Variants in DOCK5 observed in about 807,000 individuals in gnomAD.
DOCK5 encodes the protein dedicator of cytokinesis protein 5.
In DOCK5, 142 loss-of-function variants were observed where a neutral mutation model predicts 251.8. The observed-to-expected ratio is 0.56, with a 90% confidence interval of 0.49 to 0.65. The LOEUF is 0.65. Ranked by LOEUF, DOCK5 falls within the 30% of genes least tolerant of loss-of-function variation. DOCK5 has a pLI of 0.00. For missense variants in DOCK5, 2,111 were observed against 2,312.3 expected (o/e 0.91, Z 1.79); for synonymous variants, 842 against 835.5 (o/e 1.01, Z -0.13).
intron 1 of DOCK5, among the ~76,000 whole-genome samples, chr8:25,238,337 C>T (rs538081680): frequency 2.0e-5 from 3 of 152,172 alleles, no homozygotes; most frequent in Non-Finnish European, 4.4e-5. Context: ...TAATGTGACA[C>T]CTGGCATCCA....
At chr8:25,363,590 T>G (rs1254865520) in intron 29 of DOCK5, among the ~76,000 whole-genome samples, 1 of 152,238 alleles carries the variant, frequency 6.6e-6, no homozygotes, top group East Asian at 1.9e-4. Context: ...TTTACATATT[T>G]AAAAATATCC....
At chr8:25,220,676 A>G (rs1204205936) in intron 1 of DOCK5, among the ~76,000 whole-genome samples, 2 of 152,126 alleles carry the variant, frequency 1.3e-5, no homozygotes, top group East Asian at 1.9e-4. Flanking sequence ...TAGTGGCGCA[A>G]TCTCGGCTCA....
intron 29 of DOCK5, 144 bp downstream of exon 29, chr8:25,363,285 T>G: frequency 1.5e-6 from 1 of 684,968 alleles, no homozygotes; most frequent in Non-Finnish European, 2.5e-6. Context: ...GGTCCTAATT[T>G]ATGTGCTCGT....
intron 11 of DOCK5, chr8:25,304,563 T>C (rs1563195260): frequency 2.2e-6 from 1 of 450,114 alleles, no homozygotes; most frequent in East Asian, 3.6e-5. Context: ...CAAAGGAATA[T>C]AAAAGGGCAC....
rs535348871 is a variant in DOCK5, at chr8:25,362,728, A to C, written c.2950-319A>C. ...GCTGAGATTACAGGTGTAAGCCACT[A>C]CACCCAACCCTCCTTCCTACTTTCT... On this transcript the variant is annotated intron_variant, in intron 28 of 51. Coordinates refer to ENST00000276440, the MANE Select transcript of DOCK5 (RefSeq NM_024940.8). Among the ~76,000 whole-genome samples the C allele has an allele frequency of 7.8e-4, 119 of 151,936 alleles. 2 individuals are homozygous for C. In the South Asian group the frequency reaches 0.017, roughly 21 times the overall value.
chr8:25,314,208 C>G (rs1012347688), intron 13 of DOCK5, among the ~76,000 whole-genome samples: 10 of 149,350 alleles, frequency 6.7e-5, no homozygotes, highest in Non-Finnish European at 1.5e-4. Context: ...ATCTCCGAGG[C>G]TCAAGCAGTC....
chr8:25,282,834 A>T (rs1382684205), intron 5 of DOCK5, among the ~76,000 whole-genome samples: 1 of 139,788 alleles, frequency 7.2e-6, no homozygotes, highest in African/African-American at 2.8e-5. Flanking sequence ...TGGGTGACAC[A>T]GTAAGACCCT....
chr8:25,292,493 A>G (rs977788454), intron 6 of DOCK5, among the ~76,000 whole-genome samples: 1 of 152,162 alleles, frequency 6.6e-6, no homozygotes, highest in African/African-American at 2.4e-5. Flanking sequence ...TCACACTTGT[A>G]ATCCCAGTAC....
chr8:25,269,032 A>G (rs1803838240), intron 3 of DOCK5, 147 bp downstream of exon 3: 2 of 676,040 alleles, frequency 3.0e-6, no homozygotes, highest in African/African-American at 3.8e-5. Context: ...TTGAAAGCAA[A>G]TTCTCTGACC....
At chr8:25,267,423 C>A (rs1451014789) in intron 2 of DOCK5, among the ~76,000 whole-genome samples, 1 of 151,956 alleles carries the variant, frequency 6.6e-6, no homozygotes, top group African/African-American at 2.4e-5. Flanking sequence ...GAATATATGC[C>A]CAAAGAAGAT....
intron 18 of DOCK5, among the ~76,000 whole-genome samples, chr8:25,328,420 T>A (rs970924775): frequency 5.9e-4 from 90 of 152,100 alleles, no homozygotes; most frequent in African/African-American, 2.1e-3. Flanking sequence ...AATGGGGTAT[T>A]CCAGGGACAA....
intron 43 of DOCK5, among the ~76,000 whole-genome samples, 198 bp from the exon 44 acceptor site, chr8:25,392,598 C>T (rs1050382751): frequency 6.6e-5 from 10 of 152,124 alleles, no homozygotes; most frequent in Admixed American, 3.3e-4. Context: ...CCCAAGTAGA[C>T]GATCCCTTTC....
chr8:25,341,859 C>A, intron 24 of DOCK5, 50 bp downstream of exon 24: 4 of 1,455,220 alleles, frequency 2.7e-6, no homozygotes, highest in Non-Finnish European at 3.8e-6. Context: ...GAAACAGCTC[C>A]CCTGCTTGGC....
At chr8:25,403,467 C>T in intron 47 of DOCK5, 91 bp from the exon 48 acceptor site, 1 of 1,410,320 alleles carries the variant, frequency 7.1e-7, no homozygotes, top group African/African-American at 1.4e-5. Context: ...CAGATGGGTA[C>T]TGGTTAGCCA....
chr8:25,282,696 A>G (rs1399984470), intron 5 of DOCK5, among the ~76,000 whole-genome samples: 2 of 151,820 alleles, frequency 1.3e-5, no homozygotes, highest in Non-Finnish European at 2.9e-5. Flanking sequence ...CTATCTCTAC[A>G]AAAATTAGCT....
chr8:25,313,257 C>T (rs939752228), intron 13 of DOCK5, among the ~76,000 whole-genome samples: 8 of 152,098 alleles, frequency 5.3e-5, no homozygotes, highest in East Asian at 1.9e-4. Context: ...ATTCTGTCCA[C>T]GCTCTTTCTC....
chr8:25,367,075 A>G (rs1586367115), intron 31 of DOCK5, 105 bp downstream of exon 31: 3 of 985,650 alleles, frequency 3.0e-6, no homozygotes, highest in Non-Finnish European at 4.7e-6. Context: ...GTGGCTACCC[A>G]TGTTGTTAGT....
chr8:25,227,690 A>G (rs1802565783), intron 1 of DOCK5, among the ~76,000 whole-genome samples: 1 of 152,176 alleles, frequency 6.6e-6, no homozygotes, highest in African/African-American at 2.4e-5. Flanking sequence ...TTCTAATCCT[A>G]TTTAAATCTA....
rs541562270 is a variant in DOCK5 at position 25,223,832 on chromosome 8, C to T, written c.44-19842C>T. ...CTGAGATTAAATTTCTGTTAAACAG[C>T]GAGACCCTGTACTTTATGGATGAAG... On this transcript the variant is annotated intron_variant, in intron 1 of 51. Transcript: ENST00000276440. 5.9e-5 allele frequency among the ~76,000 whole-genome samples: 9 copies of T among 152,254 alleles called. No individual in the cohort carries two copies. The South Asian group carries it at 1.4e-3, about 25-fold the overall frequency.
Sources: gnomAD v4.1 joint callset for allele counts (sites outside exome capture counted in the v4.1 genomes callset) on GRCh38, gnomAD v4.1.1 for gene constraint, MANE v1.5 for transcripts, NCBI Gene and HGNC (gene_info 2026-07-23, HGNC 2026-07-21) for gene names.